Variants in PTPRE observed in about 807,000 individuals in gnomAD.
PTPRE encodes the protein receptor-type tyrosine-protein phosphatase epsilon.
A neutral mutation model predicts 102.0 loss-of-function variants in PTPRE; 51 were observed. The ratio of observed to expected loss-of-function variants is 0.50; its 90% CI spans 0.40 to 0.63. The LOEUF (loss-of-function observed/expected upper bound fraction) is 0.63. PTPRE is among the 30% of genes least tolerant of loss of function. PTPRE has a pLI of 0.00. For missense variants in PTPRE, 752 were observed against 915.1 expected (o/e 0.82, Z 2.30); for synonymous variants, 345 against 348.2 (o/e 0.99, Z 0.10).
intron 2 of PTPRE, among the ~76,000 whole-genome samples, chr10:128,019,462 G>A (rs1232175423): frequency 1.3e-5 from 2 of 152,238 alleles, no homozygotes; most frequent in South Asian, 4.1e-4. Context: ...TGGGAAAGGA[G>A]CAGTCAGGAC....
chr10:127,941,325 T>G (rs1240422718), intron 1 of PTPRE, among the ~76,000 whole-genome samples: 1 of 152,232 alleles, frequency 6.6e-6, no homozygotes, highest in African/African-American at 2.4e-5. Flanking sequence ...ACCTATTTAT[T>G]GAGGGTCCAT....
chr10:127,916,053 A>C (rs1846184387), intron 1 of PTPRE, among the ~76,000 whole-genome samples: 1 of 151,370 alleles, frequency 6.6e-6, no homozygotes, highest in Admixed American at 6.6e-5. Context: ...CCAGGTCCAC[A>C]GGAAGACAGA....
chr10:127,909,377 C>T (rs943144899), intron 1 of PTPRE, among the ~76,000 whole-genome samples: 1 of 152,152 alleles, frequency 6.6e-6, no homozygotes, highest in South Asian at 2.1e-4. Context: ...AGCTGTGCCT[C>T]AGTGGGTCCA....
intron 10 of PTPRE, among the ~76,000 whole-genome samples, chr10:128,065,412 G>A (rs73388004): frequency 0.013 from 1,934 of 152,284 alleles, 48 homozygotes; most frequent in African/African-American, 0.044. Flanking sequence ...CAGGTGCTGC[G>A]GGCGGTGCTG....
Position 128,079,733 on chromosome 10 carries a change from G to A in PTPRE, c.2028+38G>A, listed in dbSNP as rs764409594. 11 of 1,584,324 alleles carry A rather than the reference G, an allele frequency of 6.9e-6. 1 individual carries two copies. The South Asian group carries it at 1.2e-4, about 18-fold the overall frequency. ...ATAAGGATGTTACCAGAAGAGTGGA[G>A]AATTATTTCATGTTGTATTTGATGT... is the stretch of plus-strand genomic sequence containing the variant. On this transcript the variant is annotated intron_variant, in intron 20 of 20. Transcript: ENST00000254667.
intron 2 of PTPRE, among the ~76,000 whole-genome samples, chr10:128,021,936 G>A (rs1033835291): frequency 8.5e-5 from 13 of 152,192 alleles, no homozygotes; most frequent in African/African-American, 2.9e-4. Context: ...GTAGTTGGCC[G>A]CAATTTTCAG....
intron 2 of PTPRE, among the ~76,000 whole-genome samples, chr10:128,014,281 G>T (rs1278941054): frequency 6.6e-6 from 1 of 152,144 alleles, no homozygotes; most frequent in African/African-American, 2.4e-5. Context: ...TATAAAATAT[G>T]GAGCGTTCTC....
intron 1 of PTPRE, among the ~76,000 whole-genome samples, chr10:127,916,153 G>A (rs969532135): frequency 1.3e-5 from 2 of 152,066 alleles, no homozygotes; most frequent in East Asian, 1.9e-4. Context: ...GAGCAGTGAC[G>A]TGGTCTGGCT....
At chr10:127,924,046 G>A (rs564742184) in intron 1 of PTPRE, among the ~76,000 whole-genome samples, 4 of 152,284 alleles carry the variant, frequency 2.6e-5, no homozygotes, top group Admixed American at 6.5e-5. Context: ...AAACTTAACC[G>A]TGGTGCATGG....
At chr10:127,919,462 G>A (rs1046955201) in intron 1 of PTPRE, among the ~76,000 whole-genome samples, 3 of 152,226 alleles carry the variant, frequency 2.0e-5, no homozygotes, top group Non-Finnish European at 4.4e-5. Context: ...CCTGCCACCC[G>A]TGGGCTGCCT....
At chr10:128,068,020 G>A (rs1227284690) in intron 11 of PTPRE, 103 bp from the exon 12 acceptor site, 1 of 1,354,860 alleles carries the variant, frequency 7.4e-7, no homozygotes, top group Non-Finnish European at 1.0e-6. Context: ...CCCCTACGCA[G>A]CCCCAGCACA....
intron 1 of PTPRE, among the ~76,000 whole-genome samples, chr10:127,933,343 G>A (rs1167638614): frequency 1.3e-5 from 2 of 152,216 alleles, no homozygotes; most frequent in Non-Finnish European, 2.9e-5. Context: ...CCATTTCAGA[G>A]ACAATATGTG....
chr10:128,063,035 G>C, intron 9 of PTPRE, 48 bp from the exon 10 acceptor site: 1 of 1,610,492 alleles, frequency 6.2e-7, no homozygotes, highest in Non-Finnish European at 8.5e-7. Flanking sequence ...GACCCCAAAG[G>C]GACTTCCCTT....
At chr10:127,974,832 T>C (rs1344332315) in intron 1 of PTPRE, among the ~76,000 whole-genome samples, 1 of 152,220 alleles carries the variant, frequency 6.6e-6, no homozygotes, top group Non-Finnish European at 1.5e-5. Flanking sequence ...ACAGATGCTC[T>C]GTCTTTGGGG....
intron 1 of PTPRE, among the ~76,000 whole-genome samples, chr10:127,968,009 G>GGGGTGT (rs1554903007): frequency 6.3e-5 from 9 of 143,226 alleles, no homozygotes; most frequent in East Asian, 2.1e-4. Context: ...TTGCTCTATA[G>GGGGTGT]GTGTGTGTGT....
At chr10:127,929,597 C>T (rs1174379029) in intron 1 of PTPRE, 2 of 152,146 alleles carry the variant, frequency 1.3e-5, no homozygotes, top group African/African-American at 2.4e-5. Flanking sequence ...CCCTGTTGGG[C>T]GTAGGCAGGA....
intron 1 of PTPRE, among the ~76,000 whole-genome samples, chr10:127,938,440 G>A (rs1222493303): frequency 1.3e-5 from 2 of 152,052 alleles, no homozygotes; most frequent in African/African-American, 2.4e-5. Flanking sequence ...GGAGTGTCAA[G>A]GCAAACGACA....
chr10:127,981,880 G>A (rs564876600), intron 1 of PTPRE, among the ~76,000 whole-genome samples: 19 of 152,104 alleles, frequency 1.2e-4, no homozygotes, highest in African/African-American at 3.9e-4. Context: ...GATTAAGCTA[G>A]AAAGCTGGAG....
intron 1 of PTPRE, among the ~76,000 whole-genome samples, chr10:127,960,406 C>A (rs1455416785): frequency 2.7e-4 from 41 of 152,224 alleles, no homozygotes; most frequent in Non-Finnish European, 8.8e-5. Flanking sequence ...TTTGCAAGAT[C>A]CTTTGTCAAA....
Sources: allele counts gnomAD v4.1 joint callset (sites outside exome capture counted in the v4.1 genomes callset), GRCh38; gene constraint gnomAD v4.1.1; transcripts MANE v1.5; gene names NCBI Gene and HGNC (gene_info 2026-07-23, HGNC 2026-07-21).